CEP112: variants seen among roughly 807,000 people sequenced by gnomAD.
CEP112 encodes the protein centrosomal protein of 112 kDa.
A neutral mutation model predicts 153.0 loss-of-function variants in CEP112; 127 were observed. The ratio of observed to expected loss-of-function variants is 0.83; its 90% CI spans 0.72 to 0.96. CEP112 has a LOEUF of 0.96. Among genes scored for constraint, CEP112 ranks in the 40% least tolerant of loss-of-function variants. CEP112 has a pLI of 0.00. For missense variants in CEP112, 1,089 were observed against 1,101.2 expected, an observed-to-expected ratio of 0.99 and a Z score of 0.16; for synonymous variants, 358 against 374.4, an observed-to-expected ratio of 0.96 and a Z score of 0.51.
chr17:65,698,858 A>G (rs1391471823), intron 23 of CEP112, among the ~76,000 whole-genome samples: 1 of 152,154 alleles, frequency 6.6e-6, no homozygotes, highest in East Asian at 1.9e-4. Context: ...TAACTGTTAA[A>G]TCCTCACAGA....
intron 17 of CEP112, among the ~76,000 whole-genome samples, chr17:65,967,162 A>T (rs1161658747): frequency 6.6e-6 from 1 of 152,232 alleles, no homozygotes; most frequent in Non-Finnish European, 1.5e-5. Context: ...ATGTAGGCTT[A>T]CCCAGAGAGC....
chr17:65,906,730 A>G (rs1477899427), intron 19 of CEP112, among the ~76,000 whole-genome samples: 3 of 152,152 alleles, frequency 2.0e-5, no homozygotes, highest in Non-Finnish European at 4.4e-5. Flanking sequence ...ATAAATGTGT[A>G]TGCTTTGTTC....
At chr17:65,958,193 T>G (rs1473588342) in intron 18 of CEP112, among the ~76,000 whole-genome samples, 1 of 152,194 alleles carries the variant, frequency 6.6e-6, no homozygotes, top group Non-Finnish European at 1.5e-5. Context: ...CTGGATTGGT[T>G]CATGTATTCA....
At chr17:65,954,949 A>G (rs143240234) in intron 18 of CEP112, among the ~76,000 whole-genome samples, 115 of 152,342 alleles carry the variant, frequency 7.5e-4, no homozygotes, top group African/African-American at 2.7e-3. Context: ...TTGAGGGAAT[A>G]ATTTAGGAAA....
intron 18 of CEP112, among the ~76,000 whole-genome samples, chr17:65,948,661 T>C (rs2061721576): frequency 6.6e-6 from 1 of 151,812 alleles, no homozygotes; most frequent in Admixed American, 6.6e-5. Flanking sequence ...ACACAGTTAG[T>C]TGCTGAGAGC....
intron 12 of CEP112, among the ~76,000 whole-genome samples, chr17:66,045,667 A>G (rs2066172520): frequency 6.6e-6 from 1 of 152,214 alleles, no homozygotes; most frequent in Admixed American, 6.5e-5. Context: ...CTTTTGTTTG[A>G]GTTATAAATA....
intron 6 of CEP112, among the ~76,000 whole-genome samples, chr17:66,106,485 C>A (rs1441922322): frequency 1.3e-5 from 2 of 151,784 alleles, no homozygotes; most frequent in African/African-American, 4.8e-5. Flanking sequence ...TGGCAGAAAT[C>A]AAAAAATCAT....
At chr17:65,981,280 T>C (rs2145137853) in intron 17 of CEP112, among the ~76,000 whole-genome samples, 1 of 152,324 alleles carries the variant, frequency 6.6e-6, no homozygotes, top group East Asian at 1.9e-4. Flanking sequence ...TAGGAAGAGA[T>C]CTACTATTAA....
At chr17:65,819,431 A>C (rs1269442753) in intron 21 of CEP112, among the ~76,000 whole-genome samples, 2 of 152,016 alleles carry the variant, frequency 1.3e-5, no homozygotes, top group East Asian at 3.8e-4. Context: ...AGAACAGGTA[A>C]TTATTTCAGG....
At chr17:66,062,309 GAGAA>G (rs1262984731) in intron 11 of CEP112, among the ~76,000 whole-genome samples, 1 of 151,910 alleles carries the variant, frequency 6.6e-6, no homozygotes, top group African/African-American at 2.4e-5. Flanking sequence ...AATAATATAG[GAGAA>G]ATAAATTATG....
At chr17:65,800,365 G>A (rs923667077) in intron 21 of CEP112, among the ~76,000 whole-genome samples, 2 of 151,948 alleles carry the variant, frequency 1.3e-5, no homozygotes, top group African/African-American at 4.8e-5. Flanking sequence ...TACAATATGT[G>A]TGCTTTTGTG....
At chr17:65,841,700 T>C (rs900262014) in intron 21 of CEP112, among the ~76,000 whole-genome samples, 7 of 152,076 alleles carry the variant, frequency 4.6e-5, no homozygotes, top group African/African-American at 1.7e-4. Flanking sequence ...TTAGATATCC[T>C]AATTTTTCTG....
intron 13 of CEP112, among the ~76,000 whole-genome samples, chr17:66,029,612 G>A (rs945720136): frequency 6.6e-6 from 1 of 152,010 alleles, no homozygotes; most frequent in Admixed American, 6.6e-5. Context: ...GATGAGGAGG[G>A]AGAATCGTAT....
chr17:65,828,737 T>G (rs1410793461), intron 21 of CEP112, among the ~76,000 whole-genome samples: 1 of 152,148 alleles, frequency 6.6e-6, no homozygotes, highest in African/African-American at 2.4e-5. Context: ...ATAGTGCTCC[T>G]AATATCAAAC....
At chr17:65,754,370 A>G (rs1466786619) in intron 21 of CEP112, among the ~76,000 whole-genome samples, 1 of 152,170 alleles carries the variant, frequency 6.6e-6, no homozygotes, top group African/African-American at 2.4e-5. Context: ...GCACTTTGGG[A>G]GGCTGAGGCT....
intron 6 of CEP112, among the ~76,000 whole-genome samples, chr17:66,098,248 C>T (rs1284752762): frequency 6.6e-6 from 1 of 152,214 alleles, no homozygotes; most frequent in African/African-American, 2.4e-5. Flanking sequence ...CCTCTCTGAA[C>T]CTATTATGAT....
Position 65,906,403 on chromosome 17 carries a change from A to T in CEP112, c.1981-4069T>A, listed in dbSNP as rs1415177802. Among the ~76,000 whole-genome samples, 10 of 152,256 alleles carry T rather than the reference A, an allele frequency of 6.6e-5. No individual in the cohort carries two copies. In the East Asian group the frequency reaches 1.9e-3, roughly 29 times the overall value. On this transcript the variant is annotated intron_variant, in intron 19 of 26. Coordinates refer to ENST00000535342, the MANE Select transcript of CEP112 (RefSeq NM_001199165.4). ...TGCAGGTTCTGCACATGGATCCCAG[A>T]ACTTAAAGTATAATAATAATAATAA...
chr17:65,846,102 G>A (rs2057715853), intron 21 of CEP112, among the ~76,000 whole-genome samples: 1 of 152,134 alleles, frequency 6.6e-6, no homozygotes, highest in African/African-American at 2.4e-5. Context: ...GATAGAAAAT[G>A]AACTTCTAAA....
At chr17:65,977,316 AG>A (rs2063074027) in intron 17 of CEP112, among the ~76,000 whole-genome samples, 1 of 152,158 alleles carries the variant, frequency 6.6e-6, no homozygotes, top group Non-Finnish European at 1.5e-5. Flanking sequence ...GAAACGTTCC[AG>A]GTTTTCAGCT....
Sources: gnomAD v4.1 joint callset for allele counts (sites outside exome capture counted in the v4.1 genomes callset) on GRCh38, gnomAD v4.1.1 for gene constraint, MANE v1.5 for transcripts, NCBI Gene and HGNC (gene_info 2026-07-23, HGNC 2026-07-21) for gene names.